The following DMP1 variants were observed in gnomAD, a reference collection of about 807,000 sequenced individuals.
DMP1 encodes dentin matrix protein 1.
A neutral mutation model predicts 14.6 loss-of-function variants in DMP1; 20 were observed. The ratio of observed to expected loss-of-function variants is 1.37; its 90% CI spans 0.96 to 1.99. The LOEUF (loss-of-function observed/expected upper bound fraction) is 1.99. Ranked by LOEUF, DMP1 falls within the 30% of genes most tolerant of loss-of-function variation. DMP1 has a pLI of 0.00. For missense variants in DMP1, 567 were observed against 620.5 expected, an observed-to-expected ratio of 0.91 and a Z score of 0.92; for synonymous variants, 197 against 215.3, an observed-to-expected ratio of 0.91 and a Z score of 0.75.
rs566297063 is a variant in DMP1, at chr4:87,656,028, T to C, written c.-21-444T>C. ...AAGTGTATAGCTCAGTGGTTTTCAG[T>C]ATGTTCACAGAGTTGTGCAACCTTC... On this transcript the variant is annotated intron_variant, in intron 1 of 5. Transcript: ENST00000339673. Among the ~76,000 whole-genome samples, 74 of 152,306 alleles carry C rather than the reference T, an allele frequency of 4.9e-4. 1 individual carries two copies. The highest frequency in any genetic ancestry group is 1.7e-3 in the African/African-American group (69 of 41,568).
Position 87,659,393 on chromosome 4 carries a change from A to G in DMP1, c.136-38A>G, listed in dbSNP as rs553993770. 991 of 1,610,864 alleles carry G rather than the reference A, an allele frequency of 6.2e-4. 7 individuals are homozygous for G. In the South Asian group the frequency reaches 0.01, roughly 16 times the overall value. ...ATCATGTTTTTTTCTTTCCTAAGGA[A>G]TTACTAAAAAGAAAAGTAAACATTT... On this transcript the variant is annotated intron_variant, in intron 4 of 5. Coordinates refer to ENST00000339673, the MANE Select transcript of DMP1 (RefSeq NM_004407.4).
At chr4:87,651,323 T>A (rs972720536) in intron 1 of DMP1, among the ~76,000 whole-genome samples, 2 of 152,158 alleles carry the variant, frequency 1.3e-5, no homozygotes, top group Non-Finnish European at 2.9e-5. Context: ...CTATATTTAA[T>A]TTTGGGGGCA....
chr4:87,658,208 C>T (rs1054749109), intron 3 of DMP1, among the ~76,000 whole-genome samples: 3 of 152,214 alleles, frequency 2.0e-5, no homozygotes, highest in Admixed American at 1.3e-4. Context: ...CCAAAGACAG[C>T]GTGATTATAG....
intron 3 of DMP1, chr4:87,658,944 C>T (rs943648502): frequency 4.2e-5 from 20 of 475,602 alleles, no homozygotes; most frequent in East Asian, 3.5e-4. Context: ...GTTGTATGAA[C>T]GGCCAGGTTC....
chr4:87,653,368 A>C (rs1728571862), intron 1 of DMP1, among the ~76,000 whole-genome samples: 1 of 131,698 alleles, frequency 7.6e-6, no homozygotes, highest in Non-Finnish European at 1.6e-5. Flanking sequence ...TATTCAGCAT[A>C]TTCAGGCATT....
chr4:87,655,559 G>A (rs1029063075), intron 1 of DMP1, among the ~76,000 whole-genome samples: 1 of 152,054 alleles, frequency 6.6e-6, no homozygotes, highest in Non-Finnish European at 1.5e-5. Context: ...TTCTGAAGTT[G>A]TAATATGAAG....
At chr4:87,655,779 G>A (rs987478646) in intron 1 of DMP1, among the ~76,000 whole-genome samples, 1 of 152,084 alleles carries the variant, frequency 6.6e-6, no homozygotes, top group Non-Finnish European at 1.5e-5. Context: ...GAATACATTT[G>A]CTAGGGTGCT....
At chr4:87,650,823 T>A (rs188117812) in intron 1 of DMP1, among the ~76,000 whole-genome samples, 52 of 152,286 alleles carry the variant, frequency 3.4e-4, no homozygotes, top group African/African-American at 8.7e-4. Flanking sequence ...GAATTTTTTT[T>A]AAATTAAAAT....
intron 1 of DMP1, among the ~76,000 whole-genome samples, chr4:87,651,085 T>A (rs1008416937): frequency 6.6e-6 from 1 of 152,204 alleles, no homozygotes; most frequent in South Asian, 2.1e-4. Flanking sequence ...CACTTCTTCA[T>A]CTGTGTGACG....
intron 4 of DMP1, 66 bp from the exon 5 acceptor site, chr4:87,659,365 T>C (rs1413152103): frequency 8.8e-6 from 14 of 1,596,680 alleles, no homozygotes; most frequent in Non-Finnish European, 1.2e-5. Context: ...GCAATTGATG[T>C]GTATCATGTT....
At chr4:87,659,613 AAAGT>A (rs1728800089) in intron 5 of DMP1, 135 bp downstream of exon 5, 10 of 882,790 alleles carry the variant, frequency 1.1e-5, no homozygotes, top group African/African-American at 1.7e-5. Flanking sequence ...AGAGTCCTAT[AAAGT>A]AAGAAGAGAA....
intron 4 of DMP1, 63 bp downstream of exon 4, chr4:87,659,315 T>C: frequency 6.2e-7 from 1 of 1,602,054 alleles, no homozygotes; most frequent in Non-Finnish European, 8.6e-7. Context: ...CTCTTCCAGT[T>C]GCCTTTTACA....
chr4:87,659,230 C>T lies in DMP1; in HGVS notation c.113C>T (p.Ala38Val). Residue 38 changes from alanine (A) to valine (V), a missense_variant, in exon 4 of 6, where the codon GCT (alanine) becomes GTT (valine). By Grantham distance (64) the Ala-to-Val change is moderately conservative. Transcript: ENST00000339673. ...EDSEEWKGHL[A>V]QAPTPPLESS... ...TTTCCTTTTTTGCAGGGTCATTTGG[C>T]TCAGGCACCAACACCACCCTTGGTA... 2 of 1,613,984 alleles carry T rather than the reference C, an allele frequency of 1.2e-6. No individual in the cohort carries two copies. The highest frequency in any genetic ancestry group is 1.7e-6 in the Non-Finnish European group (2 of 1,179,962).
intron 3 of DMP1, chr4:87,658,996 T>C (rs1728777936): frequency 6.9e-6 from 4 of 581,434 alleles, no homozygotes; most frequent in Admixed American, 3.1e-5. Context: ...ATCAGAAATA[T>C]AAACATTGTC....
At chr4:87,658,675 C>A (rs1728769355) in intron 3 of DMP1, 1 of 163,564 alleles carries the variant, frequency 6.1e-6, no homozygotes, top group Non-Finnish European at 1.3e-5. Flanking sequence ...GTGGGGTAAG[C>A]ACAGTGGGTG....
At position 87,657,094 on chromosome 4, in the gene DMP1, G is replaced by T; in HGVS notation, c.102+15G>T. ...AAGAATGGAAGGTGAGTAGAAATATGACTTTTTGAAATATTTTAATTTTAA... is the reference window on the plus strand; with the variant it reads ...AAGAATGGAAGGTGAGTAGAAATATTACTTTTTGAAATATTTTAATTTTAA... On this transcript the variant is annotated intron_variant, in intron 3 of 5. Transcript: ENST00000339673. The T allele has an allele frequency of 6.9e-7, 1 of 1,444,890 alleles. No individual in the cohort carries two copies. The highest frequency in any genetic ancestry group is 1.2e-5 in the South Asian group (1 of 85,876). The allele number at this position is 1,444,890 out of a possible 1,614,324, so 89.5% of individuals were successfully genotyped here.
At chr4:87,657,991 C>T (rs1728747642) in intron 3 of DMP1, among the ~76,000 whole-genome samples, 1 of 152,194 alleles carries the variant, frequency 6.6e-6, no homozygotes. Context: ...GAACTTTCTT[C>T]AGAGAAATCC....
intron 1 of DMP1, among the ~76,000 whole-genome samples, chr4:87,653,380 T>C (rs540402991): frequency 2.3e-4 from 27 of 116,926 alleles, no homozygotes; most frequent in African/African-American, 8.1e-4. Context: ...TCAGGCATTA[T>C]CGAGTGATAT....
Position 87,663,685 on chromosome 4 carries a change from CTT to C in DMP1, c.*366_*367del. The C allele has an allele frequency of 5.7e-6, 2 of 351,172 alleles. No homozygotes were observed. Among genetic ancestry groups the C allele is most frequent in the South Asian group, 4.8e-5 (2 of 41,478 alleles). The allele number at this position is 351,172 out of a possible 1,614,324, so 21.8% of individuals were successfully genotyped here. A position where few individuals can be genotyped will look rare whatever the true frequency, so the allele number is the denominator to read the frequency against. ...ATGTAAAGCAGGTTAAGACTTGTTTCTTGCTCCTGAGGAGCGTATAGAAGGAC... is the reference window on the plus strand; with the variant it reads ...ATGTAAAGCAGGTTAAGACTTGTTTCGCTCCTGAGGAGCGTATAGAAGGAC... On this transcript the variant is annotated 3_prime_UTR_variant, in exon 6 of 6. Coordinates refer to ENST00000339673, the MANE Select transcript of DMP1 (RefSeq NM_004407.4).
Sources: allele counts gnomAD v4.1 joint callset (sites outside exome capture counted in the v4.1 genomes callset), GRCh38; gene constraint gnomAD v4.1.1; transcripts MANE v1.5; gene names NCBI Gene and HGNC (gene_info 2026-07-23, HGNC 2026-07-21).